TSPAN18: variants seen among roughly 807,000 people sequenced by gnomAD.
TSPAN18 encodes the protein tetraspanin-18.
In TSPAN18, 14 loss-of-function variants were observed where a neutral mutation model predicts 27.3. That is an observed-to-expected ratio of 0.51 (90% confidence interval 0.34 to 0.80). TSPAN18 has a LOEUF of 0.80. TSPAN18 is among the 30% of genes least tolerant of loss of function. The pLI is 0.01. For missense variants in TSPAN18, 268 were observed against 323.9 expected, an observed-to-expected ratio of 0.83 and a Z score of 1.32; for synonymous variants, 143 against 136.5, an observed-to-expected ratio of 1.05 and a Z score of -0.33.
intron 2 of TSPAN18, among the ~76,000 whole-genome samples, chr11:44,764,846 C>T (rs1298656161): frequency 6.6e-6 from 1 of 152,114 alleles, no homozygotes; most frequent in Admixed American, 6.5e-5. Flanking sequence ...AGGACCCCTC[C>T]CTGACCTCAG....
intron 2 of TSPAN18, among the ~76,000 whole-genome samples, chr11:44,837,821 T>C (rs914304846): frequency 2.0e-5 from 3 of 152,264 alleles, no homozygotes; most frequent in Non-Finnish European, 4.4e-5. Context: ...ATGAAGTGTT[T>C]TTAAGTTAAG....
chr11:44,919,672 C>A, intron 7 of TSPAN18, 145 bp from the exon 8 acceptor site: 1 of 804,340 alleles, frequency 1.2e-6, no homozygotes, highest in South Asian at 1.6e-5. Flanking sequence ...GTGGCTTTCC[C>A]ATGGTCACAC....
At chr11:44,754,286 G>A (rs184379796) in intron 1 of TSPAN18, among the ~76,000 whole-genome samples, 8 of 152,262 alleles carry the variant, frequency 5.3e-5, no homozygotes, top group African/African-American at 1.9e-4. Flanking sequence ...CCCCAGTTGC[G>A]GCCTTCAGCT....
chr11:44,917,602 G>A (rs11038212), intron 5 of TSPAN18: 33,921 of 174,090 alleles, frequency 0.19, 4,417 homozygotes, highest in African/African-American at 0.38. Context: ...CTCGCAGCCC[G>A]TACAACCTAC....
intron 3 of TSPAN18, among the ~76,000 whole-genome samples, chr11:44,861,143 C>T (rs1857869678): frequency 1.3e-5 from 2 of 152,082 alleles, no homozygotes; most frequent in South Asian, 4.1e-4. Context: ...GAGCTTCAGT[C>T]CTCGGTAGCC....
At chr11:44,924,097 T>TTGTGTGTGTGTGTGTGTG (rs57394106) in intron 8 of TSPAN18, among the ~76,000 whole-genome samples, 56 of 145,872 alleles carry the variant, frequency 3.8e-4, no homozygotes, top group East Asian at 1.2e-3. Context: ...CCTTCTGGGG[T>TTGTGTGTGTGTGTGTGTG]TGTGTGTGTG....
At chr11:44,742,719 G>C (rs7121978) in intron 1 of TSPAN18, among the ~76,000 whole-genome samples, 1,588 of 152,300 alleles carry the variant, frequency 0.01, 28 homozygotes, top group African/African-American at 0.036. Flanking sequence ...AGGAGCCCCT[G>C]CCCCCAGCGT....
At chr11:44,892,223 G>T (rs1858875975) in intron 3 of TSPAN18, among the ~76,000 whole-genome samples, 1 of 152,158 alleles carries the variant, frequency 6.6e-6, no homozygotes, top group African/African-American at 2.4e-5. Context: ...CCTTTCCCCA[G>T]ATCACCAGTT....
chr11:44,818,747 A>G (rs532137121), intron 2 of TSPAN18, among the ~76,000 whole-genome samples: 6 of 152,318 alleles, frequency 3.9e-5, no homozygotes, highest in African/African-American at 1.4e-4. Flanking sequence ...CAGGCCCTAC[A>G]TAGCAATAGT....
At chr11:44,786,671 G>T (rs1300802663) in intron 2 of TSPAN18, among the ~76,000 whole-genome samples, 2 of 128,806 alleles carry the variant, frequency 1.6e-5, no homozygotes, top group Non-Finnish European at 3.2e-5. Flanking sequence ...TCACTCTGTT[G>T]CCCAGGCTGT....
chr11:44,774,052 G>A (rs1343472893), intron 2 of TSPAN18, among the ~76,000 whole-genome samples: 7 of 152,094 alleles, frequency 4.6e-5, no homozygotes, highest in African/African-American at 1.7e-4. Flanking sequence ...CATGGAGGCA[G>A]CTGTTCTAAT....
intron 2 of TSPAN18, among the ~76,000 whole-genome samples, chr11:44,772,159 A>T (rs1855703292): frequency 1.3e-5 from 2 of 152,200 alleles, no homozygotes; most frequent in African/African-American, 4.8e-5. Context: ...TGCTTTACTC[A>T]ATCTACCTGT....
At chr11:44,897,052 T>C (rs565598269) in intron 3 of TSPAN18, among the ~76,000 whole-genome samples, 1 of 152,214 alleles carries the variant, frequency 6.6e-6, no homozygotes, top group South Asian at 2.1e-4. Context: ...CTTCCTTCCC[T>C]AGGAACACCC....
intron 2 of TSPAN18, among the ~76,000 whole-genome samples, chr11:44,827,722 C>T (rs1466049134): frequency 6.6e-6 from 1 of 152,188 alleles, no homozygotes; most frequent in Non-Finnish European, 1.5e-5. Flanking sequence ...GATATCTTTC[C>T]ATGTGGGAAG....
At chr11:44,808,375 G>C (rs1856645604) in intron 2 of TSPAN18, among the ~76,000 whole-genome samples, 1 of 151,864 alleles carries the variant, frequency 6.6e-6, no homozygotes, top group Non-Finnish European at 1.5e-5. Context: ...TAGTACAGGA[G>C]GGAGAGACAG....
chr11:44,849,469 C>G (rs942605815), intron 2 of TSPAN18, among the ~76,000 whole-genome samples: 1 of 152,178 alleles, frequency 6.6e-6, no homozygotes, highest in Non-Finnish European at 1.5e-5. Flanking sequence ...AGACATTGCC[C>G]CCAACAGAGG....
intron 2 of TSPAN18, among the ~76,000 whole-genome samples, chr11:44,789,298 G>A (rs1856134903): frequency 6.6e-6 from 1 of 152,144 alleles, no homozygotes. Flanking sequence ...AATCTTGTAG[G>A]GATCTTCCCA....
At chr11:44,851,146 C>T (rs908725244) in intron 2 of TSPAN18, among the ~76,000 whole-genome samples, 11 of 152,292 alleles carry the variant, frequency 7.2e-5, no homozygotes, top group Non-Finnish European at 1.5e-4. Flanking sequence ...GATGTGAGTG[C>T]GTGGAGAGAA....
At chr11:44,917,157 C>T (rs983011586) in intron 5 of TSPAN18, among the ~76,000 whole-genome samples, 17 of 152,298 alleles carry the variant, frequency 1.1e-4, no homozygotes, top group Non-Finnish European at 2.1e-4. Context: ...CACTGTGGTG[C>T]GGGGGAGCCC....
Sources: gnomAD v4.1 joint callset for allele counts (sites outside exome capture counted in the v4.1 genomes callset) on GRCh38, gnomAD v4.1.1 for gene constraint, MANE v1.5 for transcripts, NCBI Gene and HGNC (gene_info 2026-07-23, HGNC 2026-07-21) for gene names.